The following STK3 variants were observed in gnomAD, a reference collection of about 807,000 sequenced individuals.
STK3 encodes serine/threonine kinase 3.
In STK3, 41 loss-of-function variants were observed where a neutral mutation model predicts 58.0. The ratio of observed to expected loss-of-function variants is 0.71; its 90% CI spans 0.55 to 0.92. The LOEUF (loss-of-function observed/expected upper bound fraction) is 0.92. Ranked by LOEUF, STK3 falls within the 40% of genes least tolerant of loss-of-function variation. The pLI is 0.00. For synonymous variants in STK3, 170 were observed against 191.0 expected (o/e 0.89, Z 0.91); for missense variants, 479 against 602.7 (o/e 0.79, Z 2.15).
At chr8:98,512,780 C>T (rs1027797301) in intron 10 of STK3, among the ~76,000 whole-genome samples, 6 of 152,170 alleles carry the variant, frequency 3.9e-5, no homozygotes, top group Non-Finnish European at 5.9e-5. Flanking sequence ...ATTAAAATTT[C>T]GTATTTTCAC....
intron 6 of STK3, among the ~76,000 whole-genome samples, chr8:98,604,501 C>A (rs1029960588): frequency 6.6e-6 from 1 of 152,190 alleles, no homozygotes; most frequent in Non-Finnish European, 1.5e-5. Context: ...CACAGCTCCA[C>A]CAGGCAGTAC....
intron 6 of STK3, among the ~76,000 whole-genome samples, chr8:98,639,848 C>T (rs996248560): frequency 3.3e-5 from 5 of 152,024 alleles, no homozygotes; most frequent in Admixed American, 6.6e-5. Flanking sequence ...CGGTGGCTCA[C>T]GCCTGTAATC....
chr8:98,808,770 T>C (rs1834037632), intron 1 of STK3, among the ~76,000 whole-genome samples: 1 of 152,198 alleles, frequency 6.6e-6, no homozygotes, highest in Non-Finnish European at 1.5e-5. Flanking sequence ...TTGCTATTCA[T>C]AATAAGTCCC....
chr8:98,574,997 C>T (rs1043833403), intron 8 of STK3, among the ~76,000 whole-genome samples: 1 of 152,038 alleles, frequency 6.6e-6, no homozygotes, highest in Non-Finnish European at 1.5e-5. Flanking sequence ...GCCTGACCCA[C>T]CATTGTACAT....
chr8:98,416,245 G>A lies in STK3; in HGVS notation n.484-14732C>T, dbSNP rs1005176356. 5.3e-5 allele frequency among the ~76,000 whole-genome samples: 8 copies of A among 152,224 alleles called. No individual in the cohort carries two copies. In the East Asian group the frequency reaches 7.7e-4, roughly 15 times the overall value. ...AAGGGACTGAGAGCTGGATTTGGGCGATCAAGATGCACTAGAAGACTCTAG... is the reference window on the plus strand; with the variant it reads ...AAGGGACTGAGAGCTGGATTTGGGCAATCAAGATGCACTAGAAGACTCTAG... On this transcript the variant is annotated intron_variant and non_coding_transcript_variant, in intron 3 of 3. Coordinates refer to the STK3 transcript ENST00000517832.
At chr8:98,642,521 A>C (rs1587128570) in intron 6 of STK3, among the ~76,000 whole-genome samples, 1 of 152,236 alleles carries the variant, frequency 6.6e-6, no homozygotes, top group East Asian at 1.9e-4. Context: ...GTGAAGACTG[A>C]GAGTGGGAGA....
intron 10 of STK3, among the ~76,000 whole-genome samples, chr8:98,490,795 T>C (rs1319629439): frequency 6.6e-6 from 1 of 152,100 alleles, no homozygotes; most frequent in Non-Finnish European, 1.5e-5. Context: ...AATCTAGACG[T>C]GTCAAAAGCT....
At chr8:98,827,259 G>A (rs1273505060), upstream of STK3, among the ~76,000 whole-genome samples, 8 of 152,294 alleles carry the variant, frequency 5.3e-5, no homozygotes, top group African/African-American at 9.6e-5. Context: ...ACTTGAACCC[G>A]GGAGGCAGAG....
intron 7 of STK3, among the ~76,000 whole-genome samples, chr8:98,586,970 T>G (rs891600369): frequency 4.6e-5 from 7 of 152,124 alleles, no homozygotes; most frequent in African/African-American, 1.7e-4. Flanking sequence ...TTATTGCATC[T>G]ATTTGATTCT....
chr8:98,551,319 C>A (rs1294729885), intron 8 of STK3, among the ~76,000 whole-genome samples: 1 of 152,092 alleles, frequency 6.6e-6, no homozygotes, highest in African/African-American at 2.4e-5. Flanking sequence ...TTTGCAAAAT[C>A]TTTTATAAAT....
rs977804531 is a variant in STK3, at chr8:98,526,769, T to C, written c.1290A>G (p.Lys430=). 5.7e-6 allele frequency: 9 copies of C among 1,576,226 alleles called. No homozygotes were observed. The highest frequency in any genetic ancestry group is 1.4e-5 in the African/African-American group (1 of 73,822). Residue 430 remains lysine (K), a synonymous_variant, in exon 10 of 11, where the codon AAA becomes AAG. Transcript: ENST00000419617. The stretch of plus-strand genomic sequence containing the variant: ...AGTCAAAGTCTCCATCTTGAGGAAC[T>C]TTCCAGTTATCAGGAAAAACGTTTT... ...MSKNVFPDNW[K]VPQDGDFDFL... is the part of the protein sequence containing the mutation.
intron 6 of STK3, among the ~76,000 whole-genome samples, chr8:98,624,470 T>C (rs1238106570): frequency 6.6e-6 from 1 of 152,186 alleles, no homozygotes; most frequent in Non-Finnish European, 1.5e-5. Context: ...AAATAATAGC[T>C]ACTATACTTA....
At chr8:98,488,273 A>G (rs1028413699) in intron 10 of STK3, among the ~76,000 whole-genome samples, 1 of 152,204 alleles carries the variant, frequency 6.6e-6, no homozygotes, top group African/African-American at 2.4e-5. Context: ...CAGTCATTTT[A>G]TTGAGATAAA....
chr8:98,357,189 G>A, the STK3 span, among the ~76,000 whole-genome samples: 1 of 152,136 alleles, frequency 6.6e-6, no homozygotes, highest in Non-Finnish European at 1.5e-5. Flanking sequence ...TGGATTAGCA[G>A]GGATCCAGCA....
chr8:98,667,416 C>T (rs940206137), intron 6 of STK3, among the ~76,000 whole-genome samples: 1 of 152,034 alleles, frequency 6.6e-6, no homozygotes, highest in Non-Finnish European at 1.5e-5. Context: ...CTATTTTAAA[C>T]CACCTTAAAC....
At chr8:98,655,749 T>C (rs1011302191) in intron 6 of STK3, among the ~76,000 whole-genome samples, 8 of 152,056 alleles carry the variant, frequency 5.3e-5, no homozygotes, top group Non-Finnish European at 5.9e-5. Flanking sequence ...TCACCATCAC[T>C]GGCCATCAGA....
intron 6 of STK3, among the ~76,000 whole-genome samples, chr8:98,653,113 A>G (rs968796067): frequency 2.0e-5 from 3 of 152,332 alleles, no homozygotes; most frequent in African/African-American, 7.2e-5. Flanking sequence ...GTAAAAGAAC[A>G]CAAATTATAA....
chr8:98,566,184 T>C (rs1396486033), intron 8 of STK3, among the ~76,000 whole-genome samples: 1 of 152,162 alleles, frequency 6.6e-6, no homozygotes, highest in African/African-American at 2.4e-5. Flanking sequence ...CTCCATACTT[T>C]TCTTGAATAA....
At chr8:98,698,680 T>C (rs931594294) in intron 6 of STK3, among the ~76,000 whole-genome samples, 3 of 152,360 alleles carry the variant, frequency 2.0e-5, no homozygotes, top group Admixed American at 1.3e-4. Context: ...TTAAGAATGT[T>C]GAATATTGGC....
Sources: allele counts gnomAD v4.1 joint callset (sites outside exome capture counted in the v4.1 genomes callset), GRCh38; gene constraint gnomAD v4.1.1; transcripts MANE v1.5; gene names NCBI Gene and HGNC (gene_info 2026-07-23, HGNC 2026-07-21).